Variants in LGR6 observed in about 807,000 individuals in gnomAD.
LGR6 encodes the protein leucine-rich repeat-containing G protein-coupled receptor 6.
In LGR6, 45 loss-of-function variants were observed where a neutral mutation model predicts 69.4. The observed-to-expected ratio is 0.65, with a 90% CI of 0.51 to 0.83. The LOEUF is 0.83. Ranked by LOEUF, LGR6 falls within the 40% of genes least tolerant of loss-of-function variation. LGR6 has a pLI of 0.00. For missense variants in LGR6, 1,108 were observed against 1,246.7 expected, an observed-to-expected ratio of 0.89 and a Z score of 1.68; for synonymous variants, 538 against 555.0, an observed-to-expected ratio of 0.97 and a Z score of 0.43.
At chr1:202,299,710 G>A (rs752993120) in intron 7 of LGR6, among the ~76,000 whole-genome samples, 6 of 152,170 alleles carry the variant, frequency 3.9e-5, no homozygotes, top group Non-Finnish European at 7.3e-5. Context: ...AGGTGTCTGA[G>A]CGTGAAGCTG....
intron 1 of LGR6, chr1:202,214,015 A>G: frequency 7.5e-7 from 1 of 1,325,410 alleles, no homozygotes; most frequent in Non-Finnish European, 9.6e-7. Context: ...ATAGTTCGGG[A>G]GTTAGGGAAG....
chr1:202,261,198 G>A (rs912529864), intron 4 of LGR6, among the ~76,000 whole-genome samples: 4 of 151,196 alleles, frequency 2.6e-5, no homozygotes, highest in African/African-American at 9.7e-5. Flanking sequence ...TTGTCATTTA[G>A]CATTAGGTAT....
chr1:202,202,731 G>C (rs1158642143), intron 1 of LGR6, among the ~76,000 whole-genome samples: 2 of 152,198 alleles, frequency 1.3e-5, no homozygotes, highest in African/African-American at 4.8e-5. Flanking sequence ...GCCTGCAGTG[G>C]CCCTTCATTT....
At chr1:202,195,744 A>C (rs1658616588) in intron 1 of LGR6, among the ~76,000 whole-genome samples, 2 of 152,274 alleles carry the variant, frequency 1.3e-5, no homozygotes, top group Middle Eastern at 3.4e-3. Context: ...ACTTCTGTGG[A>C]GCCTTTCTCT....
At chr1:202,205,119 TAACACAC>T (rs1659093962) in intron 1 of LGR6, among the ~76,000 whole-genome samples, 3 of 35,298 alleles carry the variant, frequency 8.5e-5, no homozygotes, top group Non-Finnish European at 1.5e-4. Context: ...AACACACACC[TAACACAC>T]CTCCTTCAAA....
intron 4 of LGR6, among the ~76,000 whole-genome samples, chr1:202,243,618 C>G (rs1267412156): frequency 6.6e-6 from 1 of 150,822 alleles, no homozygotes; most frequent in Admixed American, 6.6e-5. Context: ...CTGGGATTCC[C>G]CAGTGGGTTA....
rs371453166 is a variant in LGR6 at position 202,317,947 on chromosome 1, T to C, written c.1649-5T>C. On this transcript the variant is annotated splice_polypyrimidine_tract_variant and splice_region_variant and intron_variant, in intron 17 of 17. Coordinates refer to ENST00000367278, the MANE Select transcript of LGR6 (RefSeq NM_001017403.2). ...CCCAGGGTTAATGTCTGATCTCTCCTACAGGCCCCTTCAAGCCCTGTGAGT... is the reference window on the plus strand; with the variant it reads ...CCCAGGGTTAATGTCTGATCTCTCCCACAGGCCCCTTCAAGCCCTGTGAGT... 5.0e-6 allele frequency: 8 copies of C among 1,602,052 alleles called. No homozygotes were observed. The African/African-American group carries it at 9.3e-5, about 19-fold the overall frequency.
At position 202,268,377 on chromosome 1, in the gene LGR6, G is replaced by A. The variant is rs1427156693; in HGVS notation, c.429-7929G>A. ...CCTTCCCAGGCAGGCTCTCGGTCAG[G>A]GCCGTTGGTCCCTCCAGGCAATCAA... On this transcript the variant is annotated intron_variant, in intron 4 of 17. Transcript: ENST00000367278. This position sits in a 1 kb window ranked among gnomAD's most constrained non-coding sequence, Gnocchi z 4.4. Among the ~76,000 whole-genome samples, 1 of 152,194 alleles carries A rather than the reference G, an allele frequency of 6.6e-6. No homozygotes were observed. The highest frequency in any genetic ancestry group is 2.4e-5 in the African/African-American group (1 of 41,440).
At chr1:202,263,463 T>G (rs1449967363) in intron 4 of LGR6, among the ~76,000 whole-genome samples, 1 of 152,144 alleles carries the variant, frequency 6.6e-6, no homozygotes, top group Non-Finnish European at 1.5e-5. Context: ...TCTCTATATA[T>G]CTTCATAGGT....
In LGR6 at chr1:202,297,491, T is replaced by C; in HGVS notation, c.717-17T>C. On this transcript the variant is annotated splice_polypyrimidine_tract_variant and intron_variant, in intron 6 of 17. Coordinates refer to ENST00000367278, the MANE Select transcript of LGR6 (RefSeq NM_001017403.2). ...ATTAAGCCTTTGCCCTAATGACTGC[T>C]CTGCTTTCTGTTCCAGAGACCTGAA... 6.2e-7 allele frequency: 1 copy of C among 1,611,336 alleles called. No homozygotes were observed. Among genetic ancestry groups the C allele is most frequent in the Non-Finnish European group, 8.5e-7 (1 of 1,178,490 alleles).
chr1:202,265,742 C>T (rs1664593400), intron 4 of LGR6, among the ~76,000 whole-genome samples: 1 of 152,232 alleles, frequency 6.6e-6, no homozygotes, highest in Admixed American at 6.5e-5. Context: ...ACTTCCACTG[C>T]TGTGATCTCC....
intron 6 of LGR6, among the ~76,000 whole-genome samples, chr1:202,282,710 C>T (rs915060161): frequency 5.9e-5 from 9 of 152,210 alleles, no homozygotes; most frequent in Non-Finnish European, 7.3e-5. Context: ...CTCTAAAAAA[C>T]CAACTAGCAG....
chr1:202,267,969 G>A (rs1664800817), intron 4 of LGR6, among the ~76,000 whole-genome samples: 1 of 152,160 alleles, frequency 6.6e-6, no homozygotes, highest in African/African-American at 2.4e-5. Flanking sequence ...GGGGCAGTAG[G>A]GCTTTATGGA....
At chr1:202,204,459 A>AAC (rs1658979210) in intron 1 of LGR6, among the ~76,000 whole-genome samples, 1 of 50,372 alleles carries the variant, frequency 2.0e-5, no homozygotes, top group Non-Finnish European at 3.7e-5. Context: ...ACACACACAC[A>AAC]CCTCCACACA....
In LGR6 at chr1:202,318,071, G is replaced by A. The variant is rs767011995; in HGVS notation, c.1768G>A (p.Gly590Arg). The A allele has an allele frequency of 1.2e-5, 20 of 1,614,062 alleles. No homozygotes were observed. The highest frequency in any genetic ancestry group is 1.6e-4 in the Middle Eastern group (1 of 6,084). Residue 590 changes from glycine to arginine, a missense_variant, in exon 18 of 18, where the codon GGG becomes AGG. Gly to Arg is a moderately radical substitution (Grantham distance 125). Transcript: ENST00000367278. ...GLVLLTVFAGGPVPLPPVKFV... is the reference protein window; with the variant it reads ...GLVLLTVFAGRPVPLPPVKFV... ...GGTGCTGCTGACCGTGTTCGCTGGC[G>A]GGCCTGTCCCCCTGCCCCCGGTCAA...
At chr1:202,277,383 C>G (rs955114423) in intron 5 of LGR6, among the ~76,000 whole-genome samples, 1 of 151,474 alleles carries the variant, frequency 6.6e-6, no homozygotes, top group Admixed American at 6.6e-5. Context: ...GCTGGAGAAC[C>G]AAGGTCAATA....
At chr1:202,241,130 C>T (rs1424330857) in intron 4 of LGR6, among the ~76,000 whole-genome samples, 1 of 152,180 alleles carries the variant, frequency 6.6e-6, no homozygotes, top group Non-Finnish European at 1.5e-5. Context: ...CTGGGTGACC[C>T]TCCCTGCTTC....
chr1:202,228,063 A>C, intron 3 of LGR6, 56 bp downstream of exon 3: 1 of 1,313,148 alleles, frequency 7.6e-7, no homozygotes, highest in Non-Finnish European at 1.1e-6. Flanking sequence ...AATGGTGAGC[A>C]AATCAAAGTT....
intron 4 of LGR6, among the ~76,000 whole-genome samples, chr1:202,263,400 C>A (rs1358304774): frequency 6.6e-6 from 1 of 152,080 alleles, no homozygotes; most frequent in Non-Finnish European, 1.5e-5. Flanking sequence ...CTGGGATTAC[C>A]CACATGAGCC....
Sources: allele counts gnomAD v4.1 joint callset (sites outside exome capture counted in the v4.1 genomes callset), GRCh38; gene constraint gnomAD v4.1.1; non-coding constraint Gnocchi (gnomAD v3.1); transcripts MANE v1.5; gene names NCBI Gene and HGNC (gene_info 2026-07-23, HGNC 2026-07-21).